C2orf76: variants seen among roughly 807,000 people sequenced by gnomAD.
C2orf76 encodes the protein UPF0538 protein C2orf76.
In C2orf76, 23 loss-of-function variants were observed where a neutral mutation model predicts 16.9. The observed-to-expected ratio is 1.36, with a 90% CI of 0.98 to 1.93. The LOEUF is 1.93. Ranked by LOEUF, C2orf76 falls within the 30% of genes most tolerant of loss-of-function variation. The probability of loss-of-function intolerance (pLI) is 0.00; values close to 1 mark genes in which losing one functional copy is unlikely to be tolerated. For missense variants in C2orf76, 152 were observed against 152.6 expected, an observed-to-expected ratio of 1.00 and a Z score of 0.02; for synonymous variants, 48 against 52.3, an observed-to-expected ratio of 0.92 and a Z score of 0.35.
At chr2:119,359,139 C>T (rs1364833807) in intron 1 of C2orf76, among the ~76,000 whole-genome samples, 2 of 152,120 alleles carry the variant, frequency 1.3e-5, no homozygotes, top group African/African-American at 2.4e-5. Context: ...TCTACCTGTG[C>T]TGTATAAGCG....
intron 5 of C2orf76, among the ~76,000 whole-genome samples, chr2:119,306,945 A>G (rs889991899): frequency 2.6e-5 from 4 of 151,916 alleles, no homozygotes; most frequent in African/African-American, 9.7e-5. Flanking sequence ...TTTTCCTTTC[A>G]TGACTACTGC....
At chr2:119,328,933 T>G (rs998626250) in intron 2 of C2orf76, among the ~76,000 whole-genome samples, 2 of 152,204 alleles carry the variant, frequency 1.3e-5, no homozygotes, top group African/African-American at 4.8e-5. Flanking sequence ...CTAATTCCAT[T>G]ATGGCCAGAA....
At chr2:119,352,315 T>C (rs1233650251) in intron 1 of C2orf76, among the ~76,000 whole-genome samples, 1 of 152,250 alleles carries the variant, frequency 6.6e-6, no homozygotes, top group Non-Finnish European at 1.5e-5. Context: ...AAGTTTGTCT[T>C]ATCCAAATGA....
At chr2:119,339,756 T>C (rs1057306025) in intron 2 of C2orf76, 71 bp downstream of exon 2, 5 of 1,440,200 alleles carry the variant, frequency 3.5e-6, no homozygotes, top group Non-Finnish European at 4.8e-6. Flanking sequence ...TTGTTAAAGA[T>C]TATTATTAAT....
intron 1 of C2orf76, among the ~76,000 whole-genome samples, chr2:119,347,283 C>T (rs1385310426): frequency 6.6e-6 from 1 of 152,058 alleles, no homozygotes; most frequent in East Asian, 1.9e-4. Context: ...AAAAATGACT[C>T]GATTTCTTCA....
At chr2:119,332,043 G>A (rs1267030102) in intron 2 of C2orf76, among the ~76,000 whole-genome samples, 2 of 151,932 alleles carry the variant, frequency 1.3e-5, no homozygotes, top group Admixed American at 1.3e-4. Flanking sequence ...AAAAATTTAG[G>A]CAACTTAACA....
intron 2 of C2orf76, among the ~76,000 whole-genome samples, chr2:119,321,419 T>C (rs1402115638): frequency 1.3e-5 from 2 of 151,924 alleles, no homozygotes; most frequent in African/African-American, 4.8e-5. Context: ...GGTAATCTAT[T>C]AAAAAAAATG....
intron 2 of C2orf76, among the ~76,000 whole-genome samples, chr2:119,325,486 G>C (rs754374254): frequency 7.3e-6 from 1 of 137,342 alleles, no homozygotes; most frequent in Non-Finnish European, 1.6e-5. Flanking sequence ...AAAAAGACAT[G>C]ATGATGTCTG....
intron 2 of C2orf76, among the ~76,000 whole-genome samples, chr2:119,322,004 T>A (rs11680785): frequency 0.017 from 2,611 of 151,870 alleles, 71 homozygotes; most frequent in African/African-American, 0.058. Flanking sequence ...CTCTAACTCC[T>A]CAAAGACAAC....
At chr2:119,366,769 C>T (rs751098235) in intron 1 of C2orf76, 21 bp downstream of exon 1, 11 of 569,358 alleles carry the variant, frequency 1.9e-5, no homozygotes, top group Non-Finnish European at 2.8e-5. Flanking sequence ...AAACTAAGCA[C>T]CCTACTTCCG....
At chr2:119,366,654 C>G in intron 1 of C2orf76, 136 bp downstream of exon 1, 1 of 422,654 alleles carries the variant, frequency 2.4e-6, no homozygotes, top group Non-Finnish European at 4.5e-6. Flanking sequence ...AGAAAAGAAA[C>G]ATAAGGACCT....
At chr2:119,290,782 A>C in the C2orf76 span, among the ~76,000 whole-genome samples, 2 of 152,098 alleles carry the variant, frequency 1.3e-5, no homozygotes, top group Non-Finnish European at 2.9e-5. Flanking sequence ...GTGAGCCGAG[A>C]TCGTGCCACT....
At chr2:119,313,335 C>T (rs925495598) in intron 4 of C2orf76, among the ~76,000 whole-genome samples, 28 of 152,080 alleles carry the variant, frequency 1.8e-4, no homozygotes, top group African/African-American at 6.0e-4. Flanking sequence ...AGTCTGTAAT[C>T]CCAGCACTTT....
intron 2 of C2orf76, among the ~76,000 whole-genome samples, chr2:119,338,232 C>T (rs1224088786): frequency 1.3e-5 from 2 of 152,164 alleles, no homozygotes; most frequent in Non-Finnish European, 1.5e-5. Context: ...GGAAAGCTCT[C>T]GGCCCTCCGT....
At chr2:119,354,675 A>C (rs1364575421) in intron 1 of C2orf76, among the ~76,000 whole-genome samples, 1 of 152,238 alleles carries the variant, frequency 6.6e-6, no homozygotes, top group Non-Finnish European at 1.5e-5. Context: ...AGTTGGTTAA[A>C]TCATCTTTCA....
chr2:119,349,284 A>T (rs746951878), intron 1 of C2orf76, among the ~76,000 whole-genome samples: 107 of 152,336 alleles, frequency 7.0e-4, no homozygotes, highest in Admixed American at 1.5e-3. Context: ...ACAATAAGTT[A>T]TTTTTAAAAC....
the C2orf76 span, among the ~76,000 whole-genome samples, chr2:119,292,319 T>A: frequency 6.6e-6 from 1 of 152,170 alleles, no homozygotes. Flanking sequence ...AGGACACTTA[T>A]CTTGCCTATT....
Position 119,318,638 on chromosome 2 carries a change from G to A in C2orf76, c.185-1135C>T, listed in dbSNP as rs1022461987. 3.3e-5 allele frequency among the ~76,000 whole-genome samples: 5 copies of A among 150,770 alleles called. No homozygotes were observed. The East Asian group carries it at 7.8e-4, about 24-fold the overall frequency. ...TCCACCTCCCAAGTTCAAGCAATTC[G>A]CCTGCCTCAGCCTCCCGAGCAGCTG... is the stretch of plus-strand genomic sequence containing the variant. On this transcript the variant is annotated intron_variant, in intron 3 of 5. Transcript: ENST00000334816.
intron 1 of C2orf76, among the ~76,000 whole-genome samples, chr2:119,344,634 G>A (rs1193668613): frequency 1.3e-5 from 2 of 152,096 alleles, no homozygotes; most frequent in African/African-American, 2.4e-5. Context: ...TGTGAGCTTT[G>A]TCAGCAAAGT....
Sources: allele counts gnomAD v4.1 joint callset (sites outside exome capture counted in the v4.1 genomes callset), GRCh38; gene constraint gnomAD v4.1.1; transcripts MANE v1.5; gene names NCBI Gene and HGNC (gene_info 2026-07-23, HGNC 2026-07-21).